Variants in DNM3 observed in about 807,000 individuals in gnomAD.
DNM3 encodes dynamin-3.
A neutral mutation model predicts 101.6 loss-of-function variants in DNM3; 47 were observed. That is an observed-to-expected ratio of 0.46 (90% CI 0.37 to 0.59). The LOEUF is 0.59. Among genes scored for constraint, DNM3 ranks in the 20% least tolerant of loss-of-function variants. The pLI is 0.00. For synonymous variants in DNM3, 385 were observed against 387.9 expected (o/e 0.99, Z 0.09); for missense variants, 849 against 1,085.7 (o/e 0.78, Z 3.06).
At chr1:172,196,122 A>G (rs2059939279) in intron 14 of DNM3, among the ~76,000 whole-genome samples, 1 of 151,496 alleles carries the variant, frequency 6.6e-6, no homozygotes, top group Non-Finnish European at 1.5e-5. Context: ...AAATTATTAT[A>G]TTTAGCTCCC....
At chr1:172,094,463 G>A (rs568097368) in intron 13 of DNM3, among the ~76,000 whole-genome samples, 2 of 152,258 alleles carry the variant, frequency 1.3e-5, no homozygotes, top group Admixed American at 6.5e-5. Context: ...GATATTTTGG[G>A]AAGACACAGG....
chr1:172,316,058 G>C (rs2065334124), intron 16 of DNM3, among the ~76,000 whole-genome samples: 1 of 152,132 alleles, frequency 6.6e-6, no homozygotes, highest in African/African-American at 2.4e-5. Context: ...AACTCTACAA[G>C]CCAGAAGAGA....
chr1:171,988,235 AT>A (rs1215505528), intron 3 of DNM3, among the ~76,000 whole-genome samples: 1 of 152,138 alleles, frequency 6.6e-6, no homozygotes, highest in African/African-American at 2.4e-5. Flanking sequence ...GTAGAAACTT[AT>A]AAATTAGATA....
rs1043126781 is a variant in DNM3 at position 172,019,897 on chromosome 1, C to T, written c.590-12505C>T. On this transcript the variant is annotated intron_variant, in intron 4 of 20. Transcript: ENST00000627582. ...GCTGTATATCTTATCTACTAGAACT[C>T]TTAGGATGTTAATCACAGTTTGTTT... is the stretch of plus-strand genomic sequence containing the variant. Among the ~76,000 whole-genome samples, 17 of 151,786 alleles carry T rather than the reference C, an allele frequency of 1.1e-4. No individual in the cohort carries two copies. In the East Asian group the frequency reaches 3.3e-3, roughly 29 times the overall value.
chr1:172,407,089 G>A (rs10489283), intron 20 of DNM3, among the ~76,000 whole-genome samples: 16,651 of 151,866 alleles, frequency 0.11, 3,052 homozygotes, highest in African/African-American at 0.38. Context: ...TCTAAAGTAC[G>A]TTTGCTTAGT....
chr1:172,172,423 G>T (rs987365491), intron 14 of DNM3, among the ~76,000 whole-genome samples: 1 of 151,552 alleles, frequency 6.6e-6, no homozygotes, highest in South Asian at 2.1e-4. Flanking sequence ...GCATGGATAC[G>T]TCGGACAGAG....
intron 4 of DNM3, among the ~76,000 whole-genome samples, chr1:172,019,968 C>G (rs1008171718): frequency 6.6e-6 from 1 of 151,550 alleles, no homozygotes; most frequent in Non-Finnish European, 1.5e-5. Context: ...AGTTAGAGTT[C>G]TGAGTCTGGT....
At chr1:172,073,328 CATATGTGT>C (rs1391634627) in intron 11 of DNM3, among the ~76,000 whole-genome samples, 1 of 151,430 alleles carries the variant, frequency 6.6e-6, no homozygotes, top group African/African-American at 2.4e-5. Context: ...AACATATGTG[CATATGTGT>C]ACATATTTGA....
At chr1:172,377,552 T>TAATATATATATATATATATA (rs2068666196) in intron 17 of DNM3, among the ~76,000 whole-genome samples, 1 of 45,062 alleles carries the variant, frequency 2.2e-5, no homozygotes. Flanking sequence ...TTGATATATA[T>TAATATATATATATATATATA]CATATATATA....
chr1:172,343,283 T>A (rs1297254788), intron 17 of DNM3, among the ~76,000 whole-genome samples: 1 of 152,186 alleles, frequency 6.6e-6, no homozygotes, highest in Admixed American at 6.5e-5. Context: ...AACCTTTTTT[T>A]CTTGCGATGT....
chr1:171,912,796 A>G (rs2039414411), intron 1 of DNM3, among the ~76,000 whole-genome samples: 1 of 152,246 alleles, frequency 6.6e-6, no homozygotes, highest in Admixed American at 6.5e-5. Context: ...TGCCATTCCC[A>G]GCAAAATTGG....
intron 4 of DNM3, among the ~76,000 whole-genome samples, chr1:172,014,369 T>C (rs1402956136): frequency 6.6e-6 from 1 of 152,152 alleles, no homozygotes; most frequent in East Asian, 1.9e-4. Flanking sequence ...GTTAGAAACT[T>C]GCAAACTGTC....
At chr1:171,983,759 C>T (rs1392450711) in intron 2 of DNM3, among the ~76,000 whole-genome samples, 4 of 152,174 alleles carry the variant, frequency 2.6e-5, no homozygotes, top group African/African-American at 9.7e-5. Flanking sequence ...CTGCCCTTTC[C>T]TCAAGCACAT....
At chr1:172,364,609 A>C (rs1407303261) in intron 17 of DNM3, among the ~76,000 whole-genome samples, 1 of 151,876 alleles carries the variant, frequency 6.6e-6, no homozygotes, top group Non-Finnish European at 1.5e-5. Context: ...CCATAACAGA[A>C]ATATCTACCA....
chr1:172,061,236 T>C (rs1303342229), intron 10 of DNM3, among the ~76,000 whole-genome samples: 1 of 149,598 alleles, frequency 6.7e-6, no homozygotes, highest in Admixed American at 6.7e-5. Flanking sequence ...AGGAACACTT[T>C]TACACTGTTG....
intron 1 of DNM3, among the ~76,000 whole-genome samples, chr1:171,869,599 T>C (rs765732971): frequency 2.0e-5 from 3 of 152,242 alleles, no homozygotes; most frequent in Non-Finnish European, 4.4e-5. Context: ...TTTTTCTGGC[T>C]GTTCATTTCT....
chr1:172,403,784 A>G (rs964322066), intron 20 of DNM3, among the ~76,000 whole-genome samples: 1 of 152,176 alleles, frequency 6.6e-6, no homozygotes, highest in African/African-American at 2.4e-5. Flanking sequence ...CTCCATTTCA[A>G]TATAATGCCT....
chr1:171,911,273 CTT>C (rs151321245), intron 1 of DNM3, among the ~76,000 whole-genome samples: 28 of 90,746 alleles, frequency 3.1e-4, no homozygotes, highest in South Asian at 4.7e-4. Context: ...ACCCCAACAT[CTT>C]TTTTTTTTTT....
intron 13 of DNM3, among the ~76,000 whole-genome samples, chr1:172,112,250 G>A (rs1358592228): frequency 6.6e-6 from 1 of 152,164 alleles, no homozygotes; most frequent in Non-Finnish European, 1.5e-5. Context: ...ACGACCTTAT[G>A]GTCTAGGTAG....
Sources: allele counts gnomAD v4.1 joint callset (sites outside exome capture counted in the v4.1 genomes callset), GRCh38; gene constraint gnomAD v4.1.1; transcripts MANE v1.5; gene names NCBI Gene and HGNC (gene_info 2026-07-23, HGNC 2026-07-21).